TEX9: variants seen among roughly 807,000 people sequenced by gnomAD.
The protein encoded by TEX9 is testis expressed 9.
Under a neutral mutation model 59.6 loss-of-function variants are expected in TEX9, and 74 were observed. The observed-to-expected ratio is 1.24, with a 90% CI of 1.03 to 1.51. TEX9 has a LOEUF of 1.51. Ranked by LOEUF, TEX9 falls within the 40% of genes most tolerant of loss-of-function variation. The pLI, the probability that TEX9 is intolerant of heterozygous loss-of-function variation, is 0.00. For missense variants in TEX9, 522 were observed against 447.8 expected, an observed-to-expected ratio of 1.17 and a Z score of -1.49; for synonymous variants, 186 against 152.2, an observed-to-expected ratio of 1.22 and a Z score of -1.64.
intron 9 of TEX9, among the ~76,000 whole-genome samples, chr15:56,400,399 A>G (rs2048709990): frequency 6.6e-6 from 1 of 152,228 alleles, no homozygotes; most frequent in African/African-American, 2.4e-5. Flanking sequence ...TTGAAGATCT[A>G]ATTAATGAAA....
At chr15:56,327,727 T>G (rs940179166) in intron 1 of TEX9, among the ~76,000 whole-genome samples, 1 of 152,052 alleles carries the variant, frequency 6.6e-6, no homozygotes, top group Non-Finnish European at 1.5e-5. Context: ...GAACTTTGCA[T>G]TGGAAACTGG....
chr15:56,352,473 G>T (rs1229133416), intron 1 of TEX9, among the ~76,000 whole-genome samples: 8 of 151,124 alleles, frequency 5.3e-5, no homozygotes, highest in Admixed American at 1.3e-4. Flanking sequence ...GGCTGGTCTT[G>T]AACTCCTGAC....
the TEX9 span, among the ~76,000 whole-genome samples, chr15:56,458,432 G>C: frequency 1.3e-5 from 2 of 152,020 alleles, no homozygotes; most frequent in African/African-American, 4.8e-5. Flanking sequence ...GTTACACTCA[G>C]TAAACCTGTA....
intron 1 of TEX9, among the ~76,000 whole-genome samples, chr15:56,268,665 G>T (rs144779299): frequency 2.0e-5 from 3 of 151,772 alleles, no homozygotes; most frequent in African/African-American, 7.3e-5. Context: ...TTGCATCCCA[G>T]GGATGAAGCC....
intron 12 of TEX9, chr15:56,443,613 G>C: frequency 6.2e-7 from 1 of 1,603,560 alleles, no homozygotes; most frequent in Non-Finnish European, 8.5e-7. Context: ...TTTTACTAGT[G>C]TTAAAGAAGT....
intron 1 of TEX9, among the ~76,000 whole-genome samples, chr15:56,270,557 A>G (rs1374072703): frequency 6.6e-6 from 1 of 151,802 alleles, no homozygotes; most frequent in Non-Finnish European, 1.5e-5. Flanking sequence ...ATGTGAATAC[A>G]GCACACTGAT....
intron 12 of TEX9, chr15:56,434,303 T>G (rs771414328): frequency 1.2e-6 from 2 of 1,613,972 alleles, no homozygotes; most frequent in Non-Finnish European, 1.7e-6. Context: ...CTTCCTCTTT[T>G]GCAGCCTGTA....
chr15:56,257,341 T>C (rs1349993773), intron 1 of TEX9, among the ~76,000 whole-genome samples: 1 of 152,206 alleles, frequency 6.6e-6, no homozygotes, highest in East Asian at 1.9e-4. Flanking sequence ...ATGTTATTTC[T>C]GTCTCTAAGT....
intron 10 of TEX9, among the ~76,000 whole-genome samples, chr15:56,418,512 G>T (rs551587850): frequency 6.6e-6 from 1 of 150,990 alleles, no homozygotes; most frequent in African/African-American, 2.5e-5. Flanking sequence ...TTAGCTGGGC[G>T]TGGTGGTGGG....
intron 7 of TEX9, 175 bp from the exon 8 acceptor site, chr15:56,393,990 C>A (rs1401548030): frequency 2.2e-6 from 1 of 456,060 alleles, no homozygotes; most frequent in Non-Finnish European, 3.9e-6. Flanking sequence ...TGGATTTATT[C>A]GTCATTGACC....
chr15:56,385,164 C>G (rs940806068), intron 4 of TEX9, among the ~76,000 whole-genome samples: 3 of 152,128 alleles, frequency 2.0e-5, no homozygotes, highest in African/African-American at 7.2e-5. Flanking sequence ...TGACTGCAGA[C>G]ATATGGTTTT....
intron 1 of TEX9, among the ~76,000 whole-genome samples, chr15:56,286,048 T>C (rs966219092): frequency 1.3e-5 from 2 of 152,216 alleles, no homozygotes; most frequent in African/African-American, 4.8e-5. Context: ...TGACTTCACC[T>C]TTATTCAGCT....
chr15:56,254,388 G>A (rs543988291), intron 1 of TEX9, among the ~76,000 whole-genome samples: 1 of 151,980 alleles, frequency 6.6e-6, no homozygotes, highest in South Asian at 2.1e-4. Flanking sequence ...GGAGCAGCTG[G>A]ACTGCTACTC....
At chr15:56,394,497 A>G in intron 8 of TEX9, 164 bp from the exon 9 acceptor site, 1 of 651,252 alleles carries the variant, frequency 1.5e-6, no homozygotes, top group Non-Finnish European at 2.6e-6. Flanking sequence ...ATTAAATGCA[A>G]ATAAAACATT....
At chr15:56,244,375 A>T (rs1596036962) in intron 1 of TEX9, 4 of 152,320 alleles carry the variant, frequency 2.6e-5, no homozygotes, top group African/African-American at 9.6e-5. Flanking sequence ...GGAAATCGCG[A>T]GTCAGGAGCT....
chr15:56,248,473 T>C (rs1324307619), intron 1 of TEX9, among the ~76,000 whole-genome samples: 1 of 152,188 alleles, frequency 6.6e-6, no homozygotes. Flanking sequence ...TTCAAGTACC[T>C]TTGCTTATCT....
chr15:56,460,009 A>AAAAAAATATAT, the TEX9 span, among the ~76,000 whole-genome samples: 30 of 26,376 alleles, frequency 1.1e-3, 5 homozygotes, highest in East Asian at 6.9e-3. Flanking sequence ...AAAAAAAAAA[A>AAAAAAATATAT]ATACATATAT....
At chr15:56,317,191 T>G (rs1255674956) in intron 1 of TEX9, among the ~76,000 whole-genome samples, 2 of 152,254 alleles carry the variant, frequency 1.3e-5, no homozygotes, top group African/African-American at 4.8e-5. Flanking sequence ...GTGGGAAGTT[T>G]TTAATTATTA....
At chr15:56,388,474 G>T (rs749813066) in exon 5 of TEX9, 1 of 1,610,652 alleles carries the variant, frequency 6.2e-7, no homozygotes, top group Non-Finnish European at 8.5e-7. Flanking sequence ...GCCTGTAGAG[G>T]TCTGTTACCA....
Sources: gnomAD v4.1 joint callset for allele counts (sites outside exome capture counted in the v4.1 genomes callset) on GRCh38, gnomAD v4.1.1 for gene constraint, MANE v1.5 for transcripts, NCBI Gene and HGNC (gene_info 2026-07-23, HGNC 2026-07-21) for gene names.